Variants in RNASEH2B observed in about 807,000 individuals in gnomAD.
The protein encoded by RNASEH2B is ribonuclease H2 subunit B.
Under a neutral mutation model 45.0 loss-of-function variants are expected in RNASEH2B, and 36 were observed. That is an observed-to-expected ratio of 0.80 (90% CI 0.61 to 1.06). The LOEUF (loss-of-function observed/expected upper bound fraction) is 1.06. RNASEH2B is among the 50% of genes least tolerant of loss of function. The pLI, the probability that RNASEH2B is intolerant of heterozygous loss-of-function variation, is 0.00. For synonymous variants in RNASEH2B, 119 were observed against 125.7 expected, an observed-to-expected ratio of 0.95 and a Z score of 0.35; for missense variants, 361 against 360.3, an observed-to-expected ratio of 1.00 and a Z score of -0.02.
chr13:50,953,153 T>G (rs1241283286), intron 9 of RNASEH2B: 2 of 152,244 alleles, frequency 1.3e-5, no homozygotes, highest in African/African-American at 2.4e-5. Flanking sequence ...TTGTCTTCCC[T>G]GCTTTTGTAC....
intron 1 of RNASEH2B, among the ~76,000 whole-genome samples, chr13:50,923,384 C>G (rs868547385): frequency 6.6e-6 from 1 of 152,016 alleles, no homozygotes; most frequent in Non-Finnish European, 1.5e-5. Context: ...GTGTGTGTGT[C>G]GTAGTCAAAC....
At chr13:50,947,386 AGTGTGTGTGTGTGT>A (rs34501133) in intron 7 of RNASEH2B, among the ~76,000 whole-genome samples, 48 of 145,994 alleles carry the variant, frequency 3.3e-4, no homozygotes, top group African/African-American at 9.4e-4. Context: ...TTAGTTTGGG[AGTGTGTGTGTGTGT>A]GTGTGTGTGT....
chr13:50,958,547 T>C (rs186932137), downstream of RNASEH2B, among the ~76,000 whole-genome samples: 9 of 152,318 alleles, frequency 5.9e-5, no homozygotes, highest in Admixed American at 2.0e-4. Context: ...TTTGTTCTTT[T>C]TGCTTAGGAT....
intron 5 of RNASEH2B, among the ~76,000 whole-genome samples, chr13:50,940,408 A>G (rs536795509): frequency 1.3e-5 from 2 of 152,346 alleles, no homozygotes; most frequent in African/African-American, 2.4e-5. Flanking sequence ...CCTAAATAAA[A>G]TTCATTTTTA....
rs1566088364 is a variant in RNASEH2B at position 50,948,032 on chromosome 13, C to T, written c.662C>T (p.Pro221Leu). The T allele has an allele frequency of 1.2e-6, 2 of 1,611,606 alleles. No homozygotes were observed. The highest frequency in any genetic ancestry group is 1.7e-6 in the Non-Finnish European group (2 of 1,179,240). Residue 221 changes from proline (P) to leucine (L), a missense_variant, in exon 8 of 11, where the codon CCT becomes CTT. Pro to Leu is a moderately conservative substitution (Grantham distance 98, BLOSUM62 -3). Transcript: ENST00000336617. ...YAHGLISDYI[P>L]KELSDDLSKY... ...CATGGTCTGATATCTGACTACATCC[C>T]TAAAGAATTAAGTGATGACTTATCT...
At chr13:50,937,056 A>G (rs368695759) in intron 5 of RNASEH2B, 2 of 152,188 alleles carry the variant, frequency 1.3e-5, no homozygotes, top group South Asian at 2.1e-4. Context: ...GATGGGCAAA[A>G]CATAAAATAC....
chr13:50,943,251 G>T, intron 5 of RNASEH2B, 70 bp from the exon 6 acceptor site: 1 of 877,340 alleles, frequency 1.1e-6, no homozygotes, highest in Non-Finnish European at 1.9e-6. Context: ...TGGTTAACTT[G>T]TATATGATAC....
intron 5 of RNASEH2B, chr13:50,941,203 T>C (rs1951828985): frequency 1.3e-5 from 2 of 152,218 alleles, no homozygotes; most frequent in South Asian, 4.1e-4. Flanking sequence ...GTGGCAGGTG[T>C]TGTGCTCTAG....
intron 5 of RNASEH2B, chr13:50,935,552 A>G (rs1422388691): frequency 6.3e-6 from 1 of 157,520 alleles, no homozygotes; most frequent in Non-Finnish European, 1.4e-5. Context: ...CAGGTTTCTA[A>G]TCTGGCGGGG....
At chr13:50,915,152 TA>T in intron 1 of RNASEH2B, 1 of 311,086 alleles carries the variant, frequency 3.2e-6, no homozygotes, top group Non-Finnish European at 5.8e-6. Flanking sequence ...ACAGAGTAGA[TA>T]TTTCAATAAA....
chr13:50,949,533 G>C (rs776350813), intron 9 of RNASEH2B, 28 bp downstream of exon 9: 1 of 1,600,066 alleles, frequency 6.2e-7, no homozygotes, highest in Non-Finnish European at 8.6e-7. Context: ...AGATATCTTT[G>C]GGGGACTTAG....
chr13:50,945,622 T>A (rs575388477), intron 7 of RNASEH2B, 90 bp downstream of exon 7: 26 of 850,376 alleles, frequency 3.1e-5, no homozygotes, highest in Non-Finnish European at 4.8e-5. Flanking sequence ...AATCTTAATA[T>A]CACAGAAGCC....
Position 50,929,603 on chromosome 13 carries a change from T to C in RNASEH2B, c.244+21T>C, listed in dbSNP as rs573238722. The C allele has an allele frequency of 4.3e-5, 61 of 1,428,160 alleles. No individual in the cohort carries two copies. In the South Asian group the frequency reaches 6.9e-4, roughly 16 times the overall value. 88.5% of individuals were successfully genotyped at this position (1,428,160 alleles called of 1,614,324 possible). ...ATCAGGTAGGTGACTAGTGTAAGCA[T>C]TTCCAATAACTAAACACATACTCCA... On this transcript the variant is annotated intron_variant, in intron 3 of 10. Coordinates refer to ENST00000336617, the MANE Select transcript of RNASEH2B (RefSeq NM_024570.4).
At chr13:50,949,718 C>T (rs573451915) in intron 9 of RNASEH2B, among the ~76,000 whole-genome samples, 1 of 152,108 alleles carries the variant, frequency 6.6e-6, no homozygotes, top group South Asian at 2.1e-4. Context: ...GCCATGAAAA[C>T]CCAAGAAGAG....
intron 2 of RNASEH2B, chr13:50,928,269 A>G (rs1951628201): frequency 6.6e-6 from 1 of 152,224 alleles, no homozygotes; most frequent in Admixed American, 6.5e-5. Flanking sequence ...TAGTAAAAGT[A>G]TGGGAGGGCC....
At chr13:50,953,706 T>G (rs1422906961) in intron 9 of RNASEH2B, 199 bp from the exon 10 acceptor site, 2 of 604,644 alleles carry the variant, frequency 3.3e-6, no homozygotes, top group Non-Finnish European at 5.9e-6. Flanking sequence ...CAAGGCTGCT[T>G]CTTAGGAGTG....
Position 50,934,748 on chromosome 13 carries a change from AG to A in RNASEH2B, c.322-134del, listed in dbSNP as rs1230185772. The A allele has an allele frequency of 8.5e-6, 6 of 703,342 alleles. No homozygotes were observed. The African/African-American group carries it at 1.1e-4, about 12-fold the overall frequency. 43.6% of individuals were successfully genotyped at this position (703,342 alleles called of 1,614,324 possible). The stretch of plus-strand genomic sequence containing the variant: ...TCCGTCCTAGAGCCTGTCCCATTGT[AG>A]GGATTCCTTAGATGGAATAGGTGGC... On this transcript the variant is annotated intron_variant, in intron 4 of 10. Coordinates refer to ENST00000336617, the MANE Select transcript of RNASEH2B (RefSeq NM_024570.4).
chr13:50,910,297 C>A, intron 1 of RNASEH2B, 157 bp downstream of exon 1: 2 of 475,342 alleles, frequency 4.2e-6, no homozygotes, highest in Non-Finnish European at 7.0e-6. Flanking sequence ...TTTGGTCACA[C>A]GTCATAGCAA....
rs568675976 is a variant in RNASEH2B, at chr13:50,935,399, A to G, written c.436+400A>G. ...TTCCAAAAAGCATATGTTGCACATTAGTGCTAAGCTCTAGATACTTATGAA... is the reference window on the plus strand; with the variant it reads ...TTCCAAAAAGCATATGTTGCACATTGGTGCTAAGCTCTAGATACTTATGAA... On this transcript the variant is annotated intron_variant, in intron 5 of 10. Transcript: ENST00000336617. 4 of 261,882 alleles carry G rather than the reference A, an allele frequency of 1.5e-5. No individual in the cohort carries two copies. In the Admixed American group the frequency reaches 2.0e-4, roughly 13 times the overall value. The allele number at this position is 261,882 out of a possible 1,614,324, so 16.2% of individuals were successfully genotyped here.
Sources: allele counts gnomAD v4.1 joint callset (sites outside exome capture counted in the v4.1 genomes callset), GRCh38; gene constraint gnomAD v4.1.1; transcripts MANE v1.5; gene names NCBI Gene and HGNC (gene_info 2026-07-23, HGNC 2026-07-21).